Variants in MGAT5 observed in about 807,000 individuals in gnomAD.
MGAT5 encodes alpha-1,6-mannosylglycoprotein 6-beta-N-acetylglucosaminyltransferase.
Under a neutral mutation model 94.3 loss-of-function variants are expected in MGAT5, and 30 were observed. The observed-to-expected ratio is 0.32, with a 90% confidence interval of 0.24 to 0.43. The LOEUF (loss-of-function observed/expected upper bound fraction) is 0.43, where lower values mean the gene tolerates loss of function less well. Among genes scored for constraint, MGAT5 ranks in the 20% least tolerant of loss-of-function variants. The pLI, the probability that MGAT5 is intolerant of heterozygous loss-of-function variation, is 1.00. For missense variants in MGAT5, 691 were observed against 905.5 expected, an observed-to-expected ratio of 0.76 and a Z score of 3.04; for synonymous variants, 310 against 322.9, an observed-to-expected ratio of 0.96 and a Z score of 0.43.
At chr2:134,199,817 A>G (rs1228548022) in intron 1 of MGAT5, among the ~76,000 whole-genome samples, 1 of 152,112 alleles carries the variant, frequency 6.6e-6, no homozygotes, top group Non-Finnish European at 1.5e-5. Flanking sequence ...GCATATGGCT[A>G]CTATCCATTG....
chr2:134,145,804 A>C (rs1189948777), intron 1 of MGAT5, among the ~76,000 whole-genome samples: 1 of 152,188 alleles, frequency 6.6e-6, no homozygotes, highest in African/African-American at 2.4e-5. Context: ...AATGAAACAC[A>C]TGAAAGTCCC....
At chr2:134,230,614 A>G (rs950999752) in intron 1 of MGAT5, among the ~76,000 whole-genome samples, 2 of 152,228 alleles carry the variant, frequency 1.3e-5, no homozygotes, top group Admixed American at 6.5e-5. Flanking sequence ...TTGACTATGT[A>G]CAATTATTTG....
intron 10 of MGAT5, among the ~76,000 whole-genome samples, chr2:134,393,495 GA>G (rs1329022860): frequency 6.6e-6 from 1 of 152,102 alleles, no homozygotes; most frequent in East Asian, 1.9e-4. Flanking sequence ...ATAACAATGA[GA>G]GCTTCCTGGC....
chr2:134,272,587 A>C (rs1291854911), intron 2 of MGAT5, among the ~76,000 whole-genome samples: 1 of 152,226 alleles, frequency 6.6e-6, no homozygotes, highest in Non-Finnish European at 1.5e-5. Flanking sequence ...ATTGGGAGGC[A>C]GGGAAGGAGA....
At chr2:134,144,957 C>T (rs551762192) in intron 1 of MGAT5, among the ~76,000 whole-genome samples, 1 of 152,186 alleles carries the variant, frequency 6.6e-6, no homozygotes, top group Non-Finnish European at 1.5e-5. Flanking sequence ...CTGCTTGGTT[C>T]TTTCTAAATT....
chr2:134,398,238 G>A (rs112428559), intron 10 of MGAT5, among the ~76,000 whole-genome samples: 22 of 152,270 alleles, frequency 1.4e-4, no homozygotes, highest in African/African-American at 4.6e-4. Context: ...GCTGTGGACC[G>A]AGACCCTGCC....
chr2:134,179,958 C>G (rs535200882), intron 1 of MGAT5, among the ~76,000 whole-genome samples: 97 of 152,306 alleles, frequency 6.4e-4, no homozygotes, highest in African/African-American at 2.2e-3. Flanking sequence ...CTCTGGTCAT[C>G]CTCACTGCTC....
At chr2:134,154,702 G>A (rs1281211779) in intron 1 of MGAT5, among the ~76,000 whole-genome samples, 1 of 152,148 alleles carries the variant, frequency 6.6e-6, no homozygotes, top group African/African-American at 2.4e-5. Flanking sequence ...GATCCATACC[G>A]TTTTACCAAG....
intron 10 of MGAT5, among the ~76,000 whole-genome samples, chr2:134,384,967 C>A (rs1386321323): frequency 6.6e-6 from 1 of 152,140 alleles, no homozygotes; most frequent in Non-Finnish European, 1.5e-5. Context: ...CCTGACCTTT[C>A]CTGATGGAAG....
chr2:134,129,702 A>G (rs1337430409), intron 1 of MGAT5, among the ~76,000 whole-genome samples: 3 of 142,478 alleles, frequency 2.1e-5, no homozygotes, highest in Admixed American at 7.0e-5. Flanking sequence ...TACTTTTTTT[A>G]CTTGTTCTGG....
At chr2:134,216,681 T>C (rs1680513788) in intron 1 of MGAT5, among the ~76,000 whole-genome samples, 1 of 152,228 alleles carries the variant, frequency 6.6e-6, no homozygotes, top group African/African-American at 2.4e-5. Context: ...ACACCTGACA[T>C]AGGAAGGTGA....
At position 134,232,061 on chromosome 2, in the gene MGAT5, G is replaced by A. The variant is rs1041212649; in HGVS notation, c.-142-22201G>A. Among the ~76,000 whole-genome samples the A allele has an allele frequency of 2.0e-5, 3 of 147,502 alleles. No individual in the cohort carries two copies. The Admixed American group carries it at 2.1e-4, about 10-fold the overall frequency. On this transcript the variant is annotated intron_variant, in intron 1 of 16. Transcript: ENST00000409645. ...ACCTTTTCCTCAGCTGCCCAAGCTG[G>A]AAGCCTAGTGGTCATTCTATACTCC...
At chr2:134,182,270 T>C (rs1688768693) in intron 1 of MGAT5, among the ~76,000 whole-genome samples, 2 of 152,220 alleles carry the variant, frequency 1.3e-5, no homozygotes, top group African/African-American at 2.4e-5. Flanking sequence ...TCTGACCTGT[T>C]GTCATCTATG....
chr2:134,435,718 G>C (rs1685132351), intron 14 of MGAT5, among the ~76,000 whole-genome samples: 1 of 152,310 alleles, frequency 6.6e-6, no homozygotes, highest in Middle Eastern at 3.4e-3. Context: ...AACGGAGGAG[G>C]TAAGAGTCCA....
intron 10 of MGAT5, among the ~76,000 whole-genome samples, chr2:134,377,634 C>T (rs1041956612): frequency 6.6e-6 from 1 of 152,210 alleles, no homozygotes; most frequent in Non-Finnish European, 1.5e-5. Context: ...ACAACACTTA[C>T]ATGGACAAAG....
chr2:134,236,398 C>T (rs920651168), intron 1 of MGAT5, among the ~76,000 whole-genome samples: 1 of 152,164 alleles, frequency 6.6e-6, no homozygotes, highest in African/African-American at 2.4e-5. Context: ...TATGGTTTGG[C>T]TGTGTCCCCA....
intron 1 of MGAT5, among the ~76,000 whole-genome samples, chr2:134,181,686 T>C (rs993447959): frequency 1.3e-5 from 2 of 152,354 alleles, no homozygotes; most frequent in Non-Finnish European, 2.9e-5. Flanking sequence ...GATAAACACA[T>C]ATATATTTAT....
At chr2:134,288,039 C>T (rs1042272928) in intron 2 of MGAT5, among the ~76,000 whole-genome samples, 2 of 152,090 alleles carry the variant, frequency 1.3e-5, no homozygotes, top group African/African-American at 2.4e-5. Context: ...CTGTCCATGT[C>T]TTTCTTTGGT....
At position 134,349,845 on chromosome 2, in the gene MGAT5, G is replaced by A. The variant is rs1183932907; in HGVS notation, c.1153G>A (p.Glu385Lys). Residue 385 changes from glutamate (E) to lysine (K), a missense_variant, in exon 9 of 16, where the codon GAA becomes AAA. Coordinates refer to ENST00000281923, the MANE Select transcript of MGAT5 (RefSeq NM_002410.5). ...RVLDSFGTEP[E>K]FNHANYAQSK... is the part of the protein sequence containing the mutation. ...CCTTGATTCATTTGGTACTGAACCC[G>A]AATTTAATCATGCAAATTATGCCCA... is the stretch of plus-strand genomic sequence containing the variant. 4 of 1,613,510 alleles carry A rather than the reference G, an allele frequency of 2.5e-6. No individual in the cohort carries two copies. The highest frequency in any genetic ancestry group is 2.5e-6 in the Non-Finnish European group (3 of 1,179,636).
Sources: gnomAD v4.1 joint callset for allele counts (sites outside exome capture counted in the v4.1 genomes callset) on GRCh38, gnomAD v4.1.1 for gene constraint, MANE v1.5 for transcripts, NCBI Gene and HGNC (gene_info 2026-07-23, HGNC 2026-07-21) for gene names.